Variants in PHACTR1 observed in about 807,000 individuals in gnomAD.
PHACTR1 encodes the protein phosphatase and actin regulator 1, also known as RPEL repeat containing 1.
Under a neutral mutation model 69.2 loss-of-function variants are expected in PHACTR1, and 16 were observed. The ratio of observed to expected loss-of-function variants is 0.23; its 90% CI spans 0.16 to 0.35. The LOEUF is 0.35. Ranked by LOEUF, PHACTR1 falls within the 10% of genes least tolerant of loss-of-function variation. The pLI, the probability that PHACTR1 is intolerant of heterozygous loss-of-function variation, is 1.00. For synonymous variants in PHACTR1, 312 were observed against 284.5 expected (o/e 1.10, Z -0.97); for missense variants, 510 against 734.7 (o/e 0.69, Z 3.54).
At chr6:12,872,197 AC>A (rs1782097546) in intron 4 of PHACTR1, among the ~76,000 whole-genome samples, 1 of 152,174 alleles carries the variant, frequency 6.6e-6, no homozygotes, top group South Asian at 2.1e-4. Context: ...TTAAAAGAAG[AC>A]TTTTATCTGT....
chr6:12,743,189 GAA>G lies in PHACTR1; in HGVS notation c.104-6440_104-6439del, dbSNP rs56962574. On this transcript the variant is annotated intron_variant, in intron 3 of 14. Coordinates refer to ENST00000332995, the MANE Select transcript of PHACTR1 (RefSeq NM_030948.6). ...TAAGCAGGGTTAGTCTAAATTGCAGGAAAAAAAAAAAAAAAACAAACGTAAAA... is the reference window on the plus strand; with the variant it reads ...TAAGCAGGGTTAGTCTAAATTGCAGGAAAAAAAAAAAAAACAAACGTAAAA... Among the ~76,000 whole-genome samples the G allele has an allele frequency of 7.9e-3, 1,081 of 136,740 alleles. 7 individuals are homozygous for G. Among genetic ancestry groups the G allele is most frequent in the African/African-American group, 0.021 (790 of 37,102 alleles). The allele number at this position is 136,740 out of a possible 152,430, so 89.7% of individuals were successfully genotyped here.
intron 4 of PHACTR1, among the ~76,000 whole-genome samples, chr6:12,830,270 G>A (rs575120640): frequency 6.3e-4 from 95 of 151,124 alleles, no homozygotes; most frequent in South Asian, 2.3e-3. Flanking sequence ...GTGGACCTGA[G>A]TTCCCAGACT....
At chr6:12,796,056 A>G (rs1042838082) in intron 4 of PHACTR1, among the ~76,000 whole-genome samples, 1 of 152,178 alleles carries the variant, frequency 6.6e-6, no homozygotes, top group African/African-American at 2.4e-5. Flanking sequence ...TGCCAAAACC[A>G]ACGAAATTGT....
chr6:12,908,045 C>T (rs1177772961), intron 4 of PHACTR1, among the ~76,000 whole-genome samples: 1 of 152,198 alleles, frequency 6.6e-6, no homozygotes, highest in East Asian at 1.9e-4. Flanking sequence ...AGCTGTGAGA[C>T]ATTCACCAAC....
intron 7 of PHACTR1, among the ~76,000 whole-genome samples, chr6:13,197,584 A>C (rs990251691): frequency 1.3e-5 from 2 of 151,982 alleles, no homozygotes; most frequent in African/African-American, 4.8e-5. Flanking sequence ...TCTAGGGTAC[A>C]TGTGCACAAT....
At chr6:13,122,771 G>A (rs1016428378) in intron 5 of PHACTR1, among the ~76,000 whole-genome samples, 7 of 152,130 alleles carry the variant, frequency 4.6e-5, no homozygotes, top group East Asian at 1.9e-4. Flanking sequence ...TAGGGCCATC[G>A]GAAGGACCAC....
chr6:12,949,728 A>G (rs1181041793), intron 4 of PHACTR1, among the ~76,000 whole-genome samples: 1 of 152,254 alleles, frequency 6.6e-6, no homozygotes, highest in African/African-American at 2.4e-5. Flanking sequence ...ATGGTTTGGT[A>G]ACTTTAAGAT....
At chr6:13,266,994 A>G (rs1261947441) in intron 10 of PHACTR1, 3 of 152,260 alleles carry the variant, frequency 2.0e-5, no homozygotes, top group South Asian at 2.1e-4. Flanking sequence ...CTCTGGGCAC[A>G]GTGTCACTTC....
intron 5 of PHACTR1, among the ~76,000 whole-genome samples, chr6:13,081,364 G>A (rs1165479015): frequency 6.6e-6 from 1 of 152,134 alleles, no homozygotes; most frequent in African/African-American, 2.4e-5. Context: ...AAGAGAAACA[G>A]GTCAAATTTT....
rs80313762 is a variant in PHACTR1, at chr6:13,226,743, T to A, written c.987-1073T>A. ...TCGAACAACAAACTTGTATAGATTTTTTTTTTTTTTTTTGAGATGGAGTCT... is the reference window on the plus strand; with the variant it reads ...TCGAACAACAAACTTGTATAGATTTATTTTTTTTTTTTTGAGATGGAGTCT... On this transcript the variant is annotated intron_variant, in intron 8 of 14. Transcript: ENST00000332995. Among the ~76,000 whole-genome samples, 641 of 151,328 alleles carry A rather than the reference T, an allele frequency of 4.2e-3. 23 individuals are homozygous for A. In the East Asian group the frequency reaches 0.079, roughly 19 times the overall value.
chr6:13,173,360 T>C (rs1283945630), intron 6 of PHACTR1, among the ~76,000 whole-genome samples: 1 of 152,202 alleles, frequency 6.6e-6, no homozygotes, highest in East Asian at 1.9e-4. Flanking sequence ...ATAGGCAACA[T>C]TTAATAAGAA....
At chr6:13,281,150 C>A in intron 12 of PHACTR1, 1 of 1,280,504 alleles carries the variant, frequency 7.8e-7, no homozygotes, top group Non-Finnish European at 1.0e-6. Flanking sequence ...TCGGTTCACT[C>A]CAGACTCTGC....
At chr6:13,227,596 A>G (rs534953017) in intron 8 of PHACTR1, among the ~76,000 whole-genome samples, 2 of 152,198 alleles carry the variant, frequency 1.3e-5, no homozygotes, top group East Asian at 1.9e-4. Context: ...CATCTTAACC[A>G]CTATTCCCAT....
intron 3 of PHACTR1, among the ~76,000 whole-genome samples, chr6:12,720,885 C>T (rs1008734899): frequency 3.3e-5 from 5 of 152,220 alleles, no homozygotes; most frequent in Admixed American, 2.6e-4. Flanking sequence ...GAACATTGTA[C>T]TCAACACTAG....
At chr6:12,824,997 G>C (rs1026105562) in intron 4 of PHACTR1, among the ~76,000 whole-genome samples, 4 of 152,112 alleles carry the variant, frequency 2.6e-5, no homozygotes, top group Non-Finnish European at 5.9e-5. Context: ...CTTAGAAAAG[G>C]GCAAGGAGCA....
At chr6:12,859,072 G>C (rs577547692) in intron 4 of PHACTR1, among the ~76,000 whole-genome samples, 1 of 152,222 alleles carries the variant, frequency 6.6e-6, no homozygotes, top group African/African-American at 2.4e-5. Flanking sequence ...AAAACCTGTG[G>C]TGTTGGACCC....
At chr6:12,874,824 A>C (rs1782382979) in intron 4 of PHACTR1, among the ~76,000 whole-genome samples, 1 of 152,154 alleles carries the variant, frequency 6.6e-6, no homozygotes, top group Non-Finnish European at 1.5e-5. Flanking sequence ...AAGAAAACGC[A>C]CCTGAATGAC....
At chr6:12,717,432 C>T (rs1761530155) in intron 1 of PHACTR1, 77 bp from the exon 2 acceptor site, 1 of 151,914 alleles carries the variant, frequency 6.6e-6, no homozygotes, top group African/African-American at 2.4e-5. Flanking sequence ...AATAGCCCTG[C>T]ATGATGTATG....
chr6:12,773,400 T>G (rs559378111), intron 4 of PHACTR1, among the ~76,000 whole-genome samples: 1 of 152,268 alleles, frequency 6.6e-6, no homozygotes, highest in South Asian at 2.1e-4. Flanking sequence ...CCAATTAACT[T>G]CCAGTTACTG....
Sources: gnomAD v4.1 joint callset for allele counts (sites outside exome capture counted in the v4.1 genomes callset) on GRCh38, gnomAD v4.1.1 for gene constraint, MANE v1.5 for transcripts, NCBI Gene and HGNC (gene_info 2026-07-23, HGNC 2026-07-21) for gene names.